The following FAM32A variants were observed in gnomAD, a reference collection of about 807,000 sequenced individuals.
FAM32A encodes protein FAM32A.
In FAM32A, 9 loss-of-function variants were observed where a neutral mutation model predicts 15.8. That is an observed-to-expected ratio of 0.57 (90% CI 0.34 to 1.00). FAM32A has a LOEUF of 1.00. Among genes scored for constraint, FAM32A ranks in the 50% least tolerant of loss-of-function variants. The probability of loss-of-function intolerance (pLI) is 0.02; values close to 1 mark genes in which losing one functional copy is unlikely to be tolerated. For synonymous variants in FAM32A, 64 were observed against 54.9 expected, an observed-to-expected ratio of 1.16 and a Z score of -0.73; for missense variants, 113 against 138.3, an observed-to-expected ratio of 0.82 and a Z score of 0.92.
chr19:16,188,002 T>C (rs906583688), intron 2 of FAM32A, among the ~76,000 whole-genome samples: 1 of 152,152 alleles, frequency 6.6e-6, no homozygotes, highest in African/African-American at 2.4e-5. Flanking sequence ...CGCCTCAGCC[T>C]CCCAAAGTGC....
chr19:16,188,903 C>A (rs1314422989), intron 2 of FAM32A, among the ~76,000 whole-genome samples: 2 of 152,074 alleles, frequency 1.3e-5, no homozygotes, highest in African/African-American at 4.8e-5. Flanking sequence ...CAGGGTCTGA[C>A]CTCACTTGGA....
chr19:16,191,240 G>A lies in FAM32A; in HGVS notation c.*285G>A, dbSNP rs1012884653. On this transcript the variant is annotated 3_prime_UTR_variant, in exon 4 of 4. Transcript: ENST00000263384. Reference sequence around the variant, plus strand: ...GAGGTAAAGCCCATTGTGTGTCTGTGTCATGTAAAAATGTTTTCACCCGAG... The same window carrying A: ...GAGGTAAAGCCCATTGTGTGTCTGTATCATGTAAAAATGTTTTCACCCGAG... The A allele has an allele frequency of 4.8e-6, 2 of 414,354 alleles. No individual in the cohort carries two copies. The highest frequency in any genetic ancestry group is 9.1e-6 in the Non-Finnish European group (2 of 220,424). The allele number at this position is 414,354 out of a possible 1,614,324, so 25.7% of individuals were successfully genotyped here.
rs71178652 is a variant in FAM32A, at chr19:16,189,668, C to CTTTTTTTTTTTTTTTTTTT, written c.217-844_217-826dup. 3.8e-3 allele frequency among the ~76,000 whole-genome samples: 224 copies of CTTTTTTTTTTTTTTTTTTT among 58,586 alleles called. 31 individuals carry two copies. Among genetic ancestry groups the CTTTTTTTTTTTTTTTTTTT allele is most frequent in the Non-Finnish European group, 5.1e-3 (164 of 32,436 alleles). 38.4% of individuals were successfully genotyped at this position (58,586 alleles called of 152,430 possible). A position where few individuals can be genotyped will look rare whatever the true frequency, so the allele number is the denominator to read the frequency against. On this transcript the variant is annotated intron_variant, in intron 2 of 3. Transcript: ENST00000263384. ...TGGCTTTATATCCCACACTCCAACT[C>CTTTTTTTTTTTTTTTTTTT]TTTTTTTTTTTTTTTTTTTTTTTTT...
rs71178652 is a variant in FAM32A, at chr19:16,189,668, CTTTTTTTTTTT to C, written c.217-836_217-826del. On this transcript the variant is annotated intron_variant, in intron 2 of 3. Coordinates refer to ENST00000263384, the MANE Select transcript of FAM32A (RefSeq NM_014077.4). ...TGGCTTTATATCCCACACTCCAACT[CTTTTTTTTTTT>C]TTTTTTTTTTTTTTTGACAGGGTCT... Among the ~76,000 whole-genome samples, 9 of 58,584 alleles carry C rather than the reference CTTTTTTTTTTT, an allele frequency of 1.5e-4. No individual in the cohort carries two copies. In the East Asian group the frequency reaches 2.0e-3, roughly 13 times the overall value. The allele number at this position is 58,584 out of a possible 152,430, so 38.4% of individuals were successfully genotyped here. A position where few individuals can be genotyped will look rare whatever the true frequency, so the allele number is the denominator to read the frequency against.
chr19:16,190,780 G>A (rs2091402792), intron 3 of FAM32A, 107 bp from the exon 4 acceptor site: 1 of 1,009,906 alleles, frequency 9.9e-7, no homozygotes, highest in African/African-American at 1.6e-5. Context: ...AGAGGAGGGG[G>A]CTCAGGAGAG....
In FAM32A at chr19:16,190,902, C is replaced by G; in HGVS notation, c.286C>G (p.Leu96Val). ...ACCTCCCCAGGACTTCAACAGACAC[C>G]TGGACACACTCACGGAGCATTACGA... ...KQRVEDFNRH[L>V]DTLTEHYDIP... Residue 96 changes from leucine to valine, a missense_variant, in exon 4 of 4, where the codon CTG becomes GTG. Leu to Val is a conservative substitution (Grantham distance 32). Coordinates refer to ENST00000263384, the MANE Select transcript of FAM32A (RefSeq NM_014077.4). The G allele has an allele frequency of 6.2e-7, 1 of 1,614,096 alleles. No homozygotes were observed. The highest frequency in any genetic ancestry group is 8.5e-7 in the Non-Finnish European group (1 of 1,179,978).
Position 16,191,251 on chromosome 19 carries a change from A to T in FAM32A, c.*296A>T. The T allele has an allele frequency of 2.6e-6, 1 of 390,028 alleles. No individual in the cohort carries two copies. The highest frequency in any genetic ancestry group is 4.9e-6 in the Non-Finnish European group (1 of 205,346). 24.2% of individuals were successfully genotyped at this position (390,028 alleles called of 1,614,324 possible). A position where few individuals can be genotyped will look rare whatever the true frequency, so the allele number is the denominator to read the frequency against. ...CATTGTGTGTCTGTGTCATGTAAAA[A>T]TGTTTTCACCCGAGTTGCATGTAAC... On this transcript the variant is annotated 3_prime_UTR_variant, in exon 4 of 4. Coordinates refer to ENST00000263384, the MANE Select transcript of FAM32A (RefSeq NM_014077.4).
chr19:16,190,843 A>G (rs2145100586), intron 3 of FAM32A, 44 bp from the exon 4 acceptor site: 2 of 1,534,080 alleles, frequency 1.3e-6, no homozygotes, highest in Non-Finnish European at 1.8e-6. Flanking sequence ...CCAGTACCCC[A>G]CTTGGGTCTG....
intron 2 of FAM32A, among the ~76,000 whole-genome samples, chr19:16,188,234 C>T (rs1281903152): frequency 1.3e-5 from 2 of 152,086 alleles, no homozygotes; most frequent in East Asian, 3.8e-4. Context: ...AATAGGTTTT[C>T]AAGGATGAAT....
Position 16,190,524 on chromosome 19 carries a change from T to C in FAM32A, c.221T>C (p.Met74Thr). ...CCATGTCTCTTCTCTCTCCAGCAAA[T>C]GGAAAGGATCCTAAAGAAGGCATCC... ...AFEKMQEKRQ[M>T]ERILKKASKT... The change falls in exon 3 of 4, where the codon ATG (methionine) becomes ACG (threonine). Residue 74 changes from methionine (M) to threonine (T), a missense_variant. Physicochemically the swap from Met to Thr is moderately conservative, Grantham distance 81. Transcript: ENST00000263384. 1.2e-6 allele frequency: 2 copies of C among 1,610,928 alleles called. No homozygotes were observed. Among genetic ancestry groups the C allele is most frequent in the East Asian group, 2.2e-5 (1 of 44,808 alleles).
intron 1 of FAM32A, 42 bp from the exon 2 acceptor site, chr19:16,185,582 C>T: frequency 6.3e-7 from 1 of 1,592,422 alleles, no homozygotes; most frequent in East Asian, 2.3e-5. Context: ...GGACCCCTGG[C>T]CCTGATCCTC....
Position 16,191,055 on chromosome 19 carries a change from C to A in FAM32A, c.*100C>A. Reference sequence around the variant, plus strand: ...TATATTCTGGAAACATGGCTACACACACCCTTGCATCTTCTGCTACAGACT... The same window carrying A: ...TATATTCTGGAAACATGGCTACACAAACCCTTGCATCTTCTGCTACAGACT... On this transcript the variant is annotated 3_prime_UTR_variant, in exon 4 of 4. Transcript: ENST00000263384. 1 of 891,104 alleles carries A rather than the reference C, an allele frequency of 1.1e-6. No homozygotes were observed. Among genetic ancestry groups the A allele is most frequent in the Non-Finnish European group, 1.9e-6 (1 of 536,344 alleles). The allele number at this position is 891,104 out of a possible 1,614,324, so 55.2% of individuals were successfully genotyped here. A position where few individuals can be genotyped will look rare whatever the true frequency, so the allele number is the denominator to read the frequency against.
In FAM32A at chr19:16,190,417, T is replaced by A. The variant is rs1008314858; in HGVS notation, c.217-103T>A. On this transcript the variant is annotated intron_variant, in intron 2 of 3. Transcript: ENST00000263384. ...CACAGAGCCTGAAACCTCCAGCTGT[T>A]CTAAATGTGAGAGCCAGTCTGGCCA... The A allele has an allele frequency of 7.8e-6, 6 of 772,142 alleles. No individual in the cohort carries two copies. The African/African-American group carries it at 1.0e-4, about 13-fold the overall frequency. 47.8% of individuals were successfully genotyped at this position (772,142 alleles called of 1,614,324 possible). A position where few individuals can be genotyped will look rare whatever the true frequency, so the allele number is the denominator to read the frequency against.
chr19:16,187,265 C>G (rs1172299245), intron 2 of FAM32A: 1 of 152,004 alleles, frequency 6.6e-6, no homozygotes, highest in Non-Finnish European at 1.5e-5. Flanking sequence ...TCAAGACCAG[C>G]CTGGCCAACA....
Position 16,191,881 on chromosome 19 carries a change from GCCTGTGCGT to G in FAM32A, c.*931_*939del, listed in dbSNP as rs1044865310. 3.9e-5 allele frequency: 6 copies of G among 152,272 alleles called. No individual in the cohort carries two copies. Among genetic ancestry groups the G allele is most frequent in the African/African-American group, 1.4e-4 (6 of 41,454 alleles). The allele number at this position is 152,272 out of a possible 1,614,324, so 9.4% of individuals were successfully genotyped here. A position where few individuals can be genotyped will look rare whatever the true frequency, so the allele number is the denominator to read the frequency against. On this transcript the variant is annotated 3_prime_UTR_variant, in exon 4 of 4. Transcript: ENST00000263384. ...TGTTGGAGGGCTGGGATCTTGTAGG[GCCTGTGCGT>G]CCTGGCTGAGGATCAAACCACATAT... is the stretch of plus-strand genomic sequence containing the variant.
chr19:16,185,482 C>T lies in FAM32A; in HGVS notation c.40C>T (p.Leu14=). The change falls in exon 1 of 4, where the codon CTG becomes TTG. Residue 14 remains leucine, a synonymous_variant. Coordinates refer to ENST00000263384, the MANE Select transcript of FAM32A (RefSeq NM_014077.4). ...GCAGGTCCAAAAGGGACCCCTGAAG[C>T]TGAAAGGCGTCGCAGAGCTGGGAGT... ...YEQVQKGPLK[L]KGVAELGVTK... is the part of the protein sequence containing the mutation. The T allele has an allele frequency of 6.4e-7, 1 of 1,564,318 alleles. No homozygotes were observed.
intron 2 of FAM32A, among the ~76,000 whole-genome samples, 175 bp downstream of exon 2, chr19:16,185,940 C>T (rs1228493816): frequency 6.6e-6 from 1 of 152,092 alleles, no homozygotes; most frequent in Non-Finnish European, 1.5e-5. Flanking sequence ...CGGGGGAGCT[C>T]CAAGGATGAG....
chr19:16,188,609 G>C (rs1197069110), intron 2 of FAM32A, among the ~76,000 whole-genome samples: 1 of 152,256 alleles, frequency 6.6e-6, no homozygotes, highest in Non-Finnish European at 1.5e-5. Context: ...TAGTAGCTGG[G>C]TGTCACGCCT....
At chr19:16,186,880 G>A (rs895848392) in intron 2 of FAM32A, among the ~76,000 whole-genome samples, 2 of 152,158 alleles carry the variant, frequency 1.3e-5, no homozygotes, top group Non-Finnish European at 2.9e-5. Context: ...CTAGAGGCCA[G>A]GGATGACACC....
Sources: gnomAD v4.1 joint callset for allele counts (sites outside exome capture counted in the v4.1 genomes callset) on GRCh38, gnomAD v4.1.1 for gene constraint, MANE v1.5 for transcripts, NCBI Gene and HGNC (gene_info 2026-07-23, HGNC 2026-07-21) for gene names.